Variants in MAGEA11 observed in about 807,000 individuals in gnomAD.
MAGEA11 encodes melanoma-associated antigen 11.
In MAGEA11, 1 loss-of-function variant was observed where a neutral mutation model predicts 8.4. That is an observed-to-expected ratio of 0.12 (90% CI 0.04 to 0.57). The LOEUF (loss-of-function observed/expected upper bound fraction) is 0.57. Among genes scored for constraint, MAGEA11 ranks in the 20% least tolerant of loss-of-function variants. The probability of loss-of-function intolerance (pLI) is 0.91; values close to 1 mark genes in which losing one functional copy is unlikely to be tolerated. For missense variants in MAGEA11, 209 were observed against 317.3 expected (o/e 0.66, Z 2.59); for synonymous variants, 127 against 119.3 (o/e 1.06, Z -0.42).
chrX:149,701,983 T>C (rs1323895316), intron 1 of MAGEA11, among the ~76,000 whole-genome samples: 1 of 112,178 alleles, frequency 8.9e-6, no homozygotes, highest in Non-Finnish European at 1.9e-5. Context: ...TGTAGTATAG[T>C]TTGAAGTCAG....
Position 149,715,774 on chromosome X carries a change from G to C in MAGEA11, c.288G>C (p.Gln96His). 1 of 1,202,243 alleles carries C rather than the reference G, an allele frequency of 8.3e-7. No homozygotes were observed. Among genetic ancestry groups the C allele is most frequent in the East Asian group, 3.0e-5 (1 of 33,778 alleles). Residue 96 changes from glutamine (Q) to histidine (H), a missense_variant, in exon 5 of 5, where the codon CAG (glutamine) becomes CAC (histidine). Coordinates refer to ENST00000355220, the MANE Select transcript of MAGEA11 (RefSeq NM_005366.5). ...GEQVLWGPITQIFPTVRPADL... is the reference protein window; with the variant it reads ...GEQVLWGPITHIFPTVRPADL... The stretch of plus-strand genomic sequence containing the variant: ...CCAGGCTGTGGGGCCCCATCACCCA[G>C]ATATTTCCCACAGTTCGGCCTGCTG...
chrX:149,700,056 A>G (rs1325491744), intron 1 of MAGEA11, among the ~76,000 whole-genome samples: 1 of 112,528 alleles, frequency 8.9e-6, no homozygotes, highest in African/African-American at 3.2e-5. Context: ...ACCCTCCCCC[A>G]TGATCTGATG....
At chrX:149,702,106 T>C (rs984889695) in intron 1 of MAGEA11, among the ~76,000 whole-genome samples, 1 of 112,036 alleles carries the variant, frequency 8.9e-6, no homozygotes, top group Non-Finnish European at 1.9e-5. Flanking sequence ...ACATATTGTT[T>C]ATCCTGAAAG....
At chrX:149,693,186 ATTTTATAAT>A (rs1362799345) in intron 1 of MAGEA11, among the ~76,000 whole-genome samples, 1 of 112,002 alleles carries the variant, frequency 8.9e-6, no homozygotes, top group Non-Finnish European at 1.9e-5. Context: ...ATTTTTTTGT[ATTTTATAAT>A]TTTTATTGAA....
intron 1 of MAGEA11, among the ~76,000 whole-genome samples, chrX:149,689,882 T>A (rs181407073): frequency 1.7e-3 from 189 of 112,345 alleles, no homozygotes; most frequent in African/African-American, 5.8e-3. Context: ...CACACACTGT[T>A]CTTCTACATA....
At chrX:149,699,886 C>T (rs1187109570) in intron 1 of MAGEA11, among the ~76,000 whole-genome samples, 1 of 111,858 alleles carries the variant, frequency 8.9e-6, no homozygotes, top group Non-Finnish European at 1.9e-5. Flanking sequence ...GGCTAGAAGG[C>T]CTCAGGAAAC....
intron 1 of MAGEA11, among the ~76,000 whole-genome samples, chrX:149,705,949 C>T (rs185244246): frequency 4.5e-5 from 5 of 112,127 alleles, no homozygotes; most frequent in Non-Finnish European, 3.8e-5. Context: ...CCCCATCCGT[C>T]GTTTCTCTCC....
upstream of MAGEA11, chrX:149,688,675 TATACATATACATATAC>T (rs2090297271): frequency 2.1e-5 from 3 of 145,826 alleles, no homozygotes. Context: ...TACATATACA[TATACATATACATATAC>T]ATATACATAT....
intron 1 of MAGEA11, 48 bp from the exon 2 acceptor site, chrX:149,713,095 C>T (rs782478542): frequency 7.0e-6 from 6 of 862,010 alleles, no homozygotes; most frequent in South Asian, 2.1e-5. Flanking sequence ...CCAGAACAGC[C>T]CCCCCCCATA....
upstream of MAGEA11, among the ~76,000 whole-genome samples, chrX:149,710,897 A>C (rs984337554): frequency 2.7e-5 from 3 of 112,079 alleles, no homozygotes; most frequent in Non-Finnish European, 5.6e-5. Context: ...AAAACATGAG[A>C]GAGCCCTGAG....
At chrX:149,711,795 A>C (rs1412902327), upstream of MAGEA11, 1 of 750,158 alleles carries the variant, frequency 1.3e-6, no homozygotes, top group Non-Finnish European at 1.6e-6. Flanking sequence ...GTCCGAGAGG[A>C]GCAGACATCA....
chrX:149,716,900 G>A lies in MAGEA11; in HGVS notation c.*124G>A. ...ATTCTTCCCTCTGTGTTTGATGAGA[G>A]AAGTCAGTGTTCTCAGTAGTAGAAG... On this transcript the variant is annotated 3_prime_UTR_variant, in exon 5 of 5. Coordinates refer to ENST00000355220, the MANE Select transcript of MAGEA11 (RefSeq NM_005366.5). The A allele has an allele frequency of 1.5e-5, 10 of 662,718 alleles. No individual in the cohort carries two copies. Among genetic ancestry groups the A allele is most frequent in the Non-Finnish European group, 2.3e-5 (10 of 440,078 alleles). The allele number at this position is 662,718 out of a possible 1,213,427, so 54.6% of individuals were successfully genotyped here.
In MAGEA11 at chrX:149,716,105, A is replaced by G; in HGVS notation, c.619A>G (p.Thr207Ala). Residue 207 changes from threonine (T) to alanine (A), a missense_variant, in exon 5 of 5, where the codon ACC (threonine) becomes GCC (alanine). Coordinates refer to ENST00000355220, the MANE Select transcript of MAGEA11 (RefSeq NM_005366.5). ...SGSQEKEGPS[T>A]SPDLIDPESF... ...CAGCCAAGAAAAGGAGGGGCCAAGT[A>G]CCTCGCCTGACCTGATAGACCCTGA... 3 of 1,211,590 alleles carry G rather than the reference A, an allele frequency of 2.5e-6. No homozygotes were observed. The highest frequency in any genetic ancestry group is 3.4e-6 in the Non-Finnish European group (3 of 895,396).
intron 1 of MAGEA11, among the ~76,000 whole-genome samples, chrX:149,700,597 G>A (rs2090348225): frequency 9.2e-6 from 1 of 108,698 alleles, no homozygotes; most frequent in African/African-American, 3.4e-5. Context: ...TAAGTTTTAG[G>A]GTACATGTGC....
Position 149,716,312 on chromosome X carries a change from G to C in MAGEA11, c.826G>C (p.Gly276Arg), listed in dbSNP as rs1557362508. Residue 276 changes from glycine (G) to arginine (R), a missense_variant, in exon 5 of 5, where the codon GGC becomes CGC. Coordinates refer to ENST00000355220, the MANE Select transcript of MAGEA11 (RefSeq NM_005366.5). Reference sequence around the variant, plus strand: ...CTCTGTATGCATGCAACTGCTCTTTGGCATTGATGTGAAGGAAGTGGACCC... The same window carrying C: ...CTCTGTATGCATGCAACTGCTCTTTCGCATTGATGTGAAGGAAGTGGACCC... ...EASVCMQLLFGIDVKEVDPTS... is the reference protein window; with the variant it reads ...EASVCMQLLFRIDVKEVDPTS... The C allele has an allele frequency of 8.3e-7, 1 of 1,211,367 alleles. No individual in the cohort carries two copies. Among genetic ancestry groups the C allele is most frequent in the Non-Finnish European group, 1.1e-6 (1 of 895,155 alleles).
chrX:149,715,401 T>C (rs2090421706), intron 3 of MAGEA11, among the ~76,000 whole-genome samples: 1 of 111,507 alleles, frequency 9.0e-6, no homozygotes, highest in East Asian at 2.8e-4. Context: ...TCAAGCAATG[T>C]CTTCAGATCT....
intron 1 of MAGEA11, among the ~76,000 whole-genome samples, chrX:149,703,347 C>G (rs1235165371): frequency 8.9e-6 from 1 of 112,361 alleles, no homozygotes; most frequent in Non-Finnish European, 1.9e-5. Flanking sequence ...TGAGCCATCC[C>G]AATGAAGTGC....
Position 149,714,465 on chromosome X carries a change from T to C in MAGEA11, c.97-16T>C. Reference sequence around the variant, plus strand: ...GGACGTGGGGCCCCTTACTTCTGTTTTGGAATCTTGGGCAGGTGAGCACTA... The same window carrying C: ...GGACGTGGGGCCCCTTACTTCTGTTCTGGAATCTTGGGCAGGTGAGCACTA... On this transcript the variant is annotated splice_polypyrimidine_tract_variant and intron_variant, in intron 2 of 4. Transcript: ENST00000355220. The C allele has an allele frequency of 8.3e-7, 1 of 1,207,875 alleles. No homozygotes were observed. The highest frequency in any genetic ancestry group is 1.1e-6 in the Non-Finnish European group (1 of 893,630).
chrX:149,705,116 A>G (rs1483211846), intron 1 of MAGEA11, among the ~76,000 whole-genome samples: 1 of 112,309 alleles, frequency 8.9e-6, no homozygotes, highest in Non-Finnish European at 1.9e-5. Flanking sequence ...GAGACCCAGG[A>G]CTCCTTATTT....
Sources: gnomAD v4.1 joint callset for allele counts (sites outside exome capture counted in the v4.1 genomes callset) on GRCh38, gnomAD v4.1.1 for gene constraint, MANE v1.5 for transcripts, NCBI Gene and HGNC (gene_info 2026-07-23, HGNC 2026-07-21) for gene names.